The following SLC8A1 variants were observed in gnomAD, a reference collection of about 807,000 sequenced individuals.
The protein encoded by SLC8A1 is sodium/calcium exchanger 1.
Under a neutral mutation model 68.3 loss-of-function variants are expected in SLC8A1, and 18 were observed. The observed-to-expected ratio is 0.26, with a 90% confidence interval of 0.18 to 0.39. SLC8A1 has a LOEUF of 0.39. SLC8A1 is among the 10% of genes least tolerant of loss of function. SLC8A1 has a pLI of 1.00. For missense variants in SLC8A1, 985 were observed against 1,156.7 expected, an observed-to-expected ratio of 0.85 and a Z score of 2.15; for synonymous variants, 475 against 415.5, an observed-to-expected ratio of 1.14 and a Z score of -1.74.
chr2:40,385,987 TTTTATC>T (rs1233743031), intron 2 of SLC8A1, among the ~76,000 whole-genome samples: 2 of 13,918 alleles, frequency 1.4e-4, no homozygotes, highest in Non-Finnish European at 2.7e-4. Flanking sequence ...TGATTTTCAT[TTTTATC>T]TTTATAAATT....
chr2:40,233,238 C>A (rs1456894893), intron 2 of SLC8A1, among the ~76,000 whole-genome samples: 5 of 152,174 alleles, frequency 3.3e-5, no homozygotes, highest in African/African-American at 1.2e-4. Flanking sequence ...GTTCCTATTT[C>A]TCCACATCCT....
chr2:40,256,250 C>G (rs186368972), intron 2 of SLC8A1, among the ~76,000 whole-genome samples: 13 of 152,148 alleles, frequency 8.5e-5, no homozygotes, highest in Non-Finnish European at 5.9e-5. Context: ...ATCACACACT[C>G]TGTGGAAGAG....
chr2:40,256,080 G>T (rs915781310), intron 2 of SLC8A1, among the ~76,000 whole-genome samples: 1 of 152,182 alleles, frequency 6.6e-6, no homozygotes, highest in Admixed American at 6.5e-5. Flanking sequence ...GATGGGTAAC[G>T]ACAATGAGAC....
chr2:40,409,430 G>C (rs776146821), intron 2 of SLC8A1, among the ~76,000 whole-genome samples: 1 of 152,138 alleles, frequency 6.6e-6, no homozygotes, highest in Non-Finnish European at 1.5e-5. Flanking sequence ...CAATTGTCCA[G>C]AGCAAGCTTC....
chr2:40,489,634 G>C (rs1487541148), intron 1 of SLC8A1, among the ~76,000 whole-genome samples: 1 of 152,038 alleles, frequency 6.6e-6, no homozygotes, highest in African/African-American at 2.4e-5. Context: ...GAACACTTTA[G>C]TTGGAGAAGG....
intron 2 of SLC8A1, among the ~76,000 whole-genome samples, chr2:40,278,946 T>G (rs531447825): frequency 6.6e-6 from 1 of 152,340 alleles, no homozygotes; most frequent in Admixed American, 6.5e-5. Flanking sequence ...AAATATTGCT[T>G]ACTTTGGGTC....
intron 2 of SLC8A1, among the ~76,000 whole-genome samples, chr2:40,237,678 G>C (rs373328390): frequency 6.6e-6 from 1 of 151,942 alleles, no homozygotes; most frequent in African/African-American, 2.4e-5. Context: ...GAGGAGAGGC[G>C]CTCTGCTTTT....
intron 6 of SLC8A1, among the ~76,000 whole-genome samples, chr2:40,159,945 G>A (rs1439804142): frequency 6.6e-6 from 1 of 152,234 alleles, no homozygotes; most frequent in Admixed American, 6.5e-5. Flanking sequence ...GAATCACTAC[G>A]TATTTAGGAA....
chr2:40,181,903 A>T (rs2049636676), intron 2 of SLC8A1, among the ~76,000 whole-genome samples: 1 of 152,248 alleles, frequency 6.6e-6, no homozygotes, highest in South Asian at 2.1e-4. Flanking sequence ...CACAGGGGAT[A>T]GTATGGGGTT....
chr2:40,171,026 G>A (rs547385328), intron 4 of SLC8A1, among the ~76,000 whole-genome samples: 1 of 152,268 alleles, frequency 6.6e-6, no homozygotes, highest in East Asian at 1.9e-4. Flanking sequence ...TCCTGGTTCA[G>A]CTGACTTCCA....
At chr2:40,280,034 T>A (rs558078495) in intron 2 of SLC8A1, among the ~76,000 whole-genome samples, 3 of 152,284 alleles carry the variant, frequency 2.0e-5, no homozygotes, top group African/African-American at 7.2e-5. Context: ...AATTGCAAGC[T>A]ATGGAGTACA....
chr2:40,367,547 T>A (rs1380656576), intron 2 of SLC8A1, among the ~76,000 whole-genome samples: 4 of 151,982 alleles, frequency 2.6e-5, no homozygotes, highest in Non-Finnish European at 5.9e-5. Flanking sequence ...CAGTAAGTAT[T>A]TTCCTTGCCC....
intron 2 of SLC8A1, among the ~76,000 whole-genome samples, chr2:40,363,297 C>G (rs552075356): frequency 5.9e-5 from 9 of 152,040 alleles, no homozygotes; most frequent in African/African-American, 7.2e-5. Context: ...AGTGCCTCCT[C>G]TCCCTTTTTC....
chr2:40,300,750 C>A (rs1261972264), intron 2 of SLC8A1, among the ~76,000 whole-genome samples: 1 of 152,144 alleles, frequency 6.6e-6, no homozygotes, highest in Non-Finnish European at 1.5e-5. Context: ...AGGCTGAAGA[C>A]ACCAGCAGCC....
chr2:40,371,650 T>A (rs1464831870), intron 2 of SLC8A1, among the ~76,000 whole-genome samples: 1 of 152,134 alleles, frequency 6.6e-6, no homozygotes, highest in Non-Finnish European at 1.5e-5. Flanking sequence ...TGAGATTTTA[T>A]CTGATTTTGG....
intron 2 of SLC8A1, among the ~76,000 whole-genome samples, chr2:40,351,396 T>A (rs553024156): frequency 1.3e-5 from 2 of 152,044 alleles, no homozygotes; most frequent in Non-Finnish European, 2.9e-5. Flanking sequence ...GAGACAGTGT[T>A]TGCAGTGAGA....
chr2:40,508,283 T>C (rs1349281776), intron 1 of SLC8A1, among the ~76,000 whole-genome samples: 1 of 151,906 alleles, frequency 6.6e-6, no homozygotes, highest in African/African-American at 2.4e-5. Context: ...GTCCTCATCA[T>C]TTCTGTTAAG....
chr2:40,399,083 T>A (rs990349774), intron 2 of SLC8A1, among the ~76,000 whole-genome samples: 3 of 152,210 alleles, frequency 2.0e-5, no homozygotes, highest in African/African-American at 7.2e-5. Flanking sequence ...GAGTACCTAT[T>A]ATTTTAACAT....
At chr2:40,141,189 G>T (rs532583816) in intron 6 of SLC8A1, among the ~76,000 whole-genome samples, 1 of 152,324 alleles carries the variant, frequency 6.6e-6, no homozygotes, top group East Asian at 1.9e-4. Context: ...CACGTGACCT[G>T]AGATGGCCAG....
Sources: allele counts gnomAD v4.1 joint callset (sites outside exome capture counted in the v4.1 genomes callset), GRCh38; gene constraint gnomAD v4.1.1; transcripts MANE v1.5; gene names NCBI Gene and HGNC (gene_info 2026-07-23, HGNC 2026-07-21).